The following FZD4 variants were observed in gnomAD, a reference collection of about 807,000 sequenced individuals.
FZD4 encodes frizzled class receptor 4.
Under a neutral mutation model 37.3 loss-of-function variants are expected in FZD4, and 16 were observed. The observed-to-expected ratio is 0.43, with a 90% CI of 0.29 to 0.65. The LOEUF is 0.65. Ranked by LOEUF, FZD4 falls within the 30% of genes least tolerant of loss-of-function variation. The pLI is 0.16. For synonymous variants in FZD4, 246 were observed against 254.8 expected (o/e 0.97, Z 0.33); for missense variants, 599 against 674.3 (o/e 0.89, Z 1.24).
intron 1 of FZD4, among the ~76,000 whole-genome samples, chr11:86,953,337 G>C (rs370463991): frequency 3.9e-5 from 6 of 152,150 alleles, no homozygotes; most frequent in Non-Finnish European, 8.8e-5. Context: ...ATATATCCCT[G>C]CAAAAGCTGT....
rs1488462660 is a variant in FZD4, at chr11:86,952,122, T to C, written c.634A>G (p.Ser212Gly). ...TCAGTGAACTCCTTGGCTGAGCGGCTGTATAAGCCAGCATCATAGCCACAC... is the reference window on the plus strand; with the variant it reads ...TCAGTGAACTCCTTGGCTGAGCGGCCGTATAAGCCAGCATCATAGCCACAC... ...LKCGYDAGLY[S>G]RSAKEFTDIW... is the part of the protein sequence containing the mutation. The change falls in exon 2 of 2, where the codon AGC (serine) becomes GGC (glycine). Residue 212 changes from serine (S) to glycine (G), a missense_variant. Physicochemically the swap from Ser to Gly is moderately conservative, Grantham distance 56. Around this residue, in one of 3 missense-constraint regions of FZD4, gnomAD observed 357 missense variants for 396.1 expected, o/e 0.90. Transcript: ENST00000531380. 1.2e-6 allele frequency: 2 copies of C among 1,613,626 alleles called. No individual in the cohort carries two copies. The highest frequency in any genetic ancestry group is 2.7e-5 in the African/African-American group (2 of 74,900).
chr11:86,952,750 T>TGCAGA, intron 1 of FZD4: 1 of 295,252 alleles, frequency 3.4e-6, no homozygotes, highest in Admixed American at 4.7e-5. Context: ...GCATAAGCCC[T>TGCAGA]CTTTGCACAA....
chr11:86,955,289 A>G lies in FZD4; in HGVS notation c.-204T>C, dbSNP rs1378769423. On this transcript the variant is annotated 5_prime_UTR_variant, in exon 1 of 2. Transcript: ENST00000531380. ...ACGTCCCGGGCCGAGGCCGAGGGAC[A>G]GGCTGCGAGGGTCATGGCTGCAGGC... 4.3e-6 allele frequency: 2 copies of G among 464,480 alleles called. No individual in the cohort carries two copies. The highest frequency in any genetic ancestry group is 4.4e-5 in the Admixed American group (1 of 22,738). The allele number at this position is 464,480 out of a possible 1,614,324, so 28.8% of individuals were successfully genotyped here.
intron 1 of FZD4, 92 bp from the exon 2 acceptor site, chr11:86,952,562 G>T: frequency 7.2e-7 from 1 of 1,396,338 alleles, no homozygotes; most frequent in East Asian, 2.3e-5. Context: ...AATGCTTCCA[G>T]GCAATCTAGG....
chr11:86,955,167 C>G lies in FZD4; in HGVS notation c.-82G>C, dbSNP rs1020320912. The G allele has an allele frequency of 3.3e-5, 37 of 1,124,384 alleles. No homozygotes were observed. The highest frequency in any genetic ancestry group is 3.7e-5 in the Admixed American group (1 of 26,980). 69.7% of individuals were successfully genotyped at this position (1,124,384 alleles called of 1,614,324 possible). ...AGTTTGCACGGGGGCGCCGGCTGCC[C>G]GCGCTGCTCCCAGCTCCCGGGACGG... On this transcript the variant is annotated 5_prime_UTR_variant, in exon 1 of 2. Coordinates refer to ENST00000531380, the MANE Select transcript of FZD4 (RefSeq NM_012193.4).
Position 86,954,934 on chromosome 11 carries a change from G to A in FZD4, c.152C>T (p.Ser51Phe). 1.2e-6 allele frequency: 2 copies of A among 1,613,768 alleles called. No homozygotes were observed. Among genetic ancestry groups the A allele is most frequent in the Non-Finnish European group, 1.7e-6 (2 of 1,179,890 alleles). The stretch of plus-strand genomic sequence containing the variant: ...GTTGTAGCCGAGGTTCTGGCACATG[G>A]AGATGCGGATGGGGTCGCAGCGCCG... ...EERRCDPIRISMCQNLGYNVT... is the reference protein window; with the variant it reads ...EERRCDPIRIFMCQNLGYNVT... Residue 51 changes from serine to phenylalanine, a missense_variant, in exon 1 of 2, where the codon TCC (serine) becomes TTC (phenylalanine). Physicochemically the swap from Ser to Phe is radical, Grantham distance 155. Transcript: ENST00000531380.
In FZD4 at chr11:86,950,788, C is replaced by G. The variant is rs1359005736; in HGVS notation, c.*354G>C. On this transcript the variant is annotated 3_prime_UTR_variant, in exon 2 of 2. Coordinates refer to ENST00000531380, the MANE Select transcript of FZD4 (RefSeq NM_012193.4). ...TTTCTCCCTGCTAGTTACCAACTCA[C>G]AGCTCAAATCCCACCCTGCAGGGGA... 3.0e-6 allele frequency: 1 copy of G among 330,014 alleles called. No individual in the cohort carries two copies. 20.4% of individuals were successfully genotyped at this position (330,014 alleles called of 1,614,324 possible). A position where few individuals can be genotyped will look rare whatever the true frequency, so the allele number is the denominator to read the frequency against.
intron 1 of FZD4, 113 bp from the exon 2 acceptor site, chr11:86,952,583 T>A: frequency 8.8e-7 from 1 of 1,134,808 alleles, no homozygotes; most frequent in South Asian, 1.3e-5. Flanking sequence ...TATCTACTTT[T>A]AAACCAACCT....
rs1949264598 is a variant in FZD4 at position 86,948,709 on chromosome 11, TTTA to T, written c.*2430_*2432del. ...GTGCCCAGATTCACCCAAGTGCTCT[TTTA>T]TTGTTATTATTTAGTCATTGACAAG... On this transcript the variant is annotated 3_prime_UTR_variant, in exon 2 of 2. Coordinates refer to ENST00000531380, the MANE Select transcript of FZD4 (RefSeq NM_012193.4). The T allele has an allele frequency of 6.6e-6, 1 of 152,210 alleles. No homozygotes were observed. The highest frequency in any genetic ancestry group is 2.4e-5 in the African/African-American group (1 of 41,448). The allele number at this position is 152,210 out of a possible 1,614,324, so 9.4% of individuals were successfully genotyped here. A position where few individuals can be genotyped will look rare whatever the true frequency, so the allele number is the denominator to read the frequency against.
chr11:86,954,742 T>C, intron 1 of FZD4, 59 bp downstream of exon 1: 1 of 1,536,994 alleles, frequency 6.5e-7, no homozygotes, highest in Non-Finnish European at 8.8e-7. Context: ...CTCTGCAAAG[T>C]TAGTTTGGAG....
Position 86,954,971 on chromosome 11 carries a change from C to T in FZD4, c.115G>A (p.Asp39Asn), listed in dbSNP as rs1250479326. Reference protein sequence around the residue: ...LLLGPARGFGDEEERRCDPIR... With the variant: ...LLLGPARGFGNEEERRCDPIR... The stretch of plus-strand genomic sequence containing the variant: ...GGGTCGCAGCGCCGCTCTTCCTCGT[C>T]CCCGAAGCCCCGCGCCGGCCCCAGG... Residue 39 changes from aspartate to asparagine, a missense_variant, in exon 1 of 2, where the codon GAC becomes AAC. Transcript: ENST00000531380. 4 of 1,613,256 alleles carry T rather than the reference C, an allele frequency of 2.5e-6. 1 individual carries two copies. In the South Asian group the frequency reaches 4.4e-5, roughly 18 times the overall value.
chr11:86,955,359 C>T lies in FZD4; in HGVS notation c.-274G>A. On this transcript the variant is annotated 5_prime_UTR_variant, in exon 1 of 2. Transcript: ENST00000531380. ...GCCGGCCGCGTCCGTTCGGCGTCTC[C>T]GCGAGGCCAGCCAGCAGCCAGCGCT... is the stretch of plus-strand genomic sequence containing the variant. 2 of 346,408 alleles carry T rather than the reference C, an allele frequency of 5.8e-6. No individual in the cohort carries two copies. Among genetic ancestry groups the T allele is most frequent in the South Asian group, 2.3e-4 (2 of 8,632 alleles). The allele number at this position is 346,408 out of a possible 1,614,324, so 21.5% of individuals were successfully genotyped here.
Position 86,950,083 on chromosome 11 carries a change from T to C in FZD4, c.*1059A>G, listed in dbSNP as rs1256916238. On this transcript the variant is annotated 3_prime_UTR_variant, in exon 2 of 2. Coordinates refer to ENST00000531380, the MANE Select transcript of FZD4 (RefSeq NM_012193.4). ...AAAGTCAGTTGAGTATACTATGTCA[T>C]GGTCCAACAATGTGCTTTTAATTGT... 1 of 152,504 alleles carries C rather than the reference T, an allele frequency of 6.6e-6. No homozygotes were observed. Among genetic ancestry groups the C allele is most frequent in the African/African-American group, 2.4e-5 (1 of 41,476 alleles). The allele number at this position is 152,504 out of a possible 1,614,324, so 9.4% of individuals were successfully genotyped here.
chr11:86,952,498 C>CA (rs776761519), intron 1 of FZD4, 28 bp from the exon 2 acceptor site: 79 of 1,602,956 alleles, frequency 4.9e-5, no homozygotes, highest in Middle Eastern at 3.8e-4. Context: ...TGAACACACA[C>CA]AAAAAAAACA....
In FZD4 at chr11:86,951,015, G is replaced by A. The variant is rs550787317; in HGVS notation, c.*127C>T. ...TCGGGGTGGGAGGCAGTGGGTTGAC[G>A]GGGGTCACTTAATTGTTGCTAGTTT... is the stretch of plus-strand genomic sequence containing the variant. On this transcript the variant is annotated 3_prime_UTR_variant, in exon 2 of 2. Coordinates refer to ENST00000531380, the MANE Select transcript of FZD4 (RefSeq NM_012193.4). 12 of 1,009,490 alleles carry A rather than the reference G, an allele frequency of 1.2e-5. No homozygotes were observed. The highest frequency in any genetic ancestry group is 3.5e-5 in the Admixed American group (2 of 57,638). 62.5% of individuals were successfully genotyped at this position (1,009,490 alleles called of 1,614,324 possible).
rs1949325492 is a variant in FZD4, at chr11:86,955,110, C to A, written c.-25G>T. On this transcript the variant is annotated 5_prime_UTR_variant, in exon 1 of 2. Transcript: ENST00000531380. Reference sequence around the variant, plus strand: ...TGGCCAGCATCGGGGGTAGCAGCGGCAGCGGCTGGGGCTGCTCTGGCAGAC... The same window carrying A: ...TGGCCAGCATCGGGGGTAGCAGCGGAAGCGGCTGGGGCTGCTCTGGCAGAC... 6.9e-7 allele frequency: 1 copy of A among 1,459,228 alleles called. No individual in the cohort carries two copies. The highest frequency in any genetic ancestry group is 2.5e-5 in the East Asian group (1 of 40,218). The allele number at this position is 1,459,228 out of a possible 1,614,324, so 90.4% of individuals were successfully genotyped here. A position where few individuals can be genotyped will look rare whatever the true frequency, so the allele number is the denominator to read the frequency against.
At position 86,949,352 on chromosome 11, in the gene FZD4, A is replaced by G. The variant is rs1253325599; in HGVS notation, c.*1790T>C. ...AGGAAATGCTTACTTCCAGAATTTG[A>G]CCACCTTTTTGGAATTTTGAGTCCC... On this transcript the variant is annotated 3_prime_UTR_variant, in exon 2 of 2. Coordinates refer to ENST00000531380, the MANE Select transcript of FZD4 (RefSeq NM_012193.4). The G allele has an allele frequency of 6.6e-6, 1 of 151,762 alleles. No homozygotes were observed. The highest frequency in any genetic ancestry group is 1.5e-5 in the Non-Finnish European group (1 of 67,982). 9.4% of individuals were successfully genotyped at this position (151,762 alleles called of 1,614,324 possible).
At position 86,951,153 on chromosome 11, in the gene FZD4, T is replaced by C. The variant is rs747158245; in HGVS notation, c.1603A>G (p.Thr535Ala). The change falls in exon 2 of 2, where the codon ACT (threonine) becomes GCT (alanine). Residue 535 changes from threonine to alanine, a missense_variant. Coordinates refer to ENST00000531380, the MANE Select transcript of FZD4 (RefSeq NM_012193.4). Reference protein sequence around the residue: ...GWVKPGKGSETVV With the variant: ...GWVKPGKGSEAVV ...GAGGCTGACTAGCCTTATACCACAG[T>C]CTCACTGCCTTTTCCAGGCTTCACC... 1.7e-5 allele frequency: 28 copies of C among 1,614,036 alleles called. No individual in the cohort carries two copies. Among genetic ancestry groups the C allele is most frequent in the Non-Finnish European group, 2.4e-5 (28 of 1,179,896 alleles).
rs993501871 is a variant in FZD4, at chr11:86,947,895, T to C, written c.*3247A>G. 6.6e-6 allele frequency: 1 copy of C among 152,260 alleles called. No individual in the cohort carries two copies. The highest frequency in any genetic ancestry group is 2.4e-5 in the African/African-American group (1 of 41,448). The allele number at this position is 152,260 out of a possible 1,614,324, so 9.4% of individuals were successfully genotyped here. On this transcript the variant is annotated 3_prime_UTR_variant, in exon 2 of 2. Transcript: ENST00000531380. Reference sequence around the variant, plus strand: ...TGAGGAAGCTACAATCATACCCATTTACTGTAGGTTTCAGAGAAAGAAAAA... The same window carrying C: ...TGAGGAAGCTACAATCATACCCATTCACTGTAGGTTTCAGAGAAAGAAAAA...
Sources: gnomAD v4.1 joint callset for allele counts (sites outside exome capture counted in the v4.1 genomes callset) on GRCh38, gnomAD v4.1.1 for gene constraint, gnomAD v4.1.1 regional missense constraint, MANE v1.5 for transcripts, NCBI Gene and HGNC (gene_info 2026-07-23, HGNC 2026-07-21) for gene names.